Variants in KCNQ3 observed in about 807,000 individuals in gnomAD.
The protein encoded by KCNQ3 is potassium voltage-gated channel subfamily Q member 3, also known as potassium voltage-gated channel subfamily KQT member 3.
A neutral mutation model predicts 92.5 loss-of-function variants in KCNQ3; 30 were observed. That is an observed-to-expected ratio of 0.32 (90% CI 0.24 to 0.44). The LOEUF (loss-of-function observed/expected upper bound fraction) is 0.44. KCNQ3 is among the 20% of genes least tolerant of loss of function. KCNQ3 has a pLI of 1.00. For missense variants in KCNQ3, 913 were observed against 1,140.3 expected (o/e 0.80, Z 2.87); for synonymous variants, 450 against 468.8 (o/e 0.96, Z 0.52).
intron 1 of KCNQ3, among the ~76,000 whole-genome samples, chr8:132,242,897 C>A (rs1815040991): frequency 1.3e-5 from 2 of 152,180 alleles, no homozygotes; most frequent in African/African-American, 4.8e-5. Flanking sequence ...GCACATAAAT[C>A]TCTGAGAGAA....
rs535644394 is a variant in KCNQ3 at position 132,427,739 on chromosome 8, G to A, written c.386+52408C>T. Among the ~76,000 whole-genome samples the A allele has an allele frequency of 1.1e-4, 16 of 152,276 alleles. 1 individual carries two copies. In the South Asian group the frequency reaches 2.9e-3, roughly 28 times the overall value. The stretch of plus-strand genomic sequence containing the variant: ...GGTGGAGCTCCCCAGCTCTGCCACA[G>A]GCAAGAGGAAGACCGGGGGTAAAGC... On this transcript the variant is annotated intron_variant, in intron 1 of 14. Transcript: ENST00000388996.
intron 13 of KCNQ3, among the ~76,000 whole-genome samples, chr8:132,133,174 TA>T (rs758091487): frequency 1.7e-4 from 26 of 152,234 alleles, no homozygotes; most frequent in Admixed American, 5.2e-4. Context: ...TCTGCATCCC[TA>T]AAAGAAGGTA....
chr8:132,324,107 C>T (rs1554644596), intron 1 of KCNQ3, among the ~76,000 whole-genome samples: 1 of 152,146 alleles, frequency 6.6e-6, no homozygotes, highest in Non-Finnish European at 1.5e-5. Flanking sequence ...CTGTAATTCC[C>T]TCTGGATAAT....
chr8:132,193,884 A>G (rs965682261), intron 1 of KCNQ3, among the ~76,000 whole-genome samples: 8 of 152,174 alleles, frequency 5.3e-5, no homozygotes. Flanking sequence ...GTGTGGTCAG[A>G]GCCAGAGGGA....
intron 1 of KCNQ3, among the ~76,000 whole-genome samples, chr8:132,477,066 C>A (rs1243535406): frequency 6.6e-6 from 1 of 152,096 alleles, no homozygotes; most frequent in Non-Finnish European, 1.5e-5. Flanking sequence ...GTAAGATGTG[C>A]CTGGCTTCCT....
At chr8:132,412,621 A>T (rs901678350) in intron 1 of KCNQ3, among the ~76,000 whole-genome samples, 8 of 152,292 alleles carry the variant, frequency 5.3e-5, no homozygotes, top group African/African-American at 1.9e-4. Flanking sequence ...AGCCTAAGCA[A>T]TGGTAGTGTC....
intron 12 of KCNQ3, among the ~76,000 whole-genome samples, chr8:132,136,144 A>G (rs1175512201): frequency 5.3e-5 from 8 of 149,602 alleles, no homozygotes; most frequent in African/African-American, 2.0e-4. Flanking sequence ...AAAAAAAAAA[A>G]AAGAAAAGAG....
At chr8:132,272,854 A>G (rs544818355) in intron 1 of KCNQ3, among the ~76,000 whole-genome samples, 2 of 152,252 alleles carry the variant, frequency 1.3e-5, no homozygotes, top group Admixed American at 1.3e-4. Context: ...GGCCCCTTCC[A>G]AATCTCATGT....
intron 1 of KCNQ3, among the ~76,000 whole-genome samples, chr8:132,200,482 G>A (rs1408568098): frequency 1.3e-5 from 2 of 152,078 alleles, no homozygotes; most frequent in African/African-American, 4.8e-5. Context: ...AATTCACTCA[G>A]CACCACCTGA....
intron 1 of KCNQ3, among the ~76,000 whole-genome samples, chr8:132,424,443 C>T (rs2130815375): frequency 6.6e-6 from 1 of 152,292 alleles, no homozygotes; most frequent in East Asian, 1.9e-4. Context: ...GATGAGGAAA[C>T]TGAGGCCCAG....
At position 132,127,218 on chromosome 8, in the gene KCNQ3, G is replaced by A. The variant is rs936888703; in HGVS notation, c.*2044C>T. ...GCCAGCATGTCAAATGGAAGCCCGTGGGGCTTCATGTCTGATGCATTGAGC... is the reference window on the plus strand; with the variant it reads ...GCCAGCATGTCAAATGGAAGCCCGTAGGGCTTCATGTCTGATGCATTGAGC... On this transcript the variant is annotated 3_prime_UTR_variant, in exon 15 of 15. Coordinates refer to ENST00000388996, the MANE Select transcript of KCNQ3 (RefSeq NM_004519.4). The A allele has an allele frequency of 3.3e-5, 5 of 152,178 alleles. No homozygotes were observed. Among genetic ancestry groups the A allele is most frequent in the Non-Finnish European group, 7.3e-5 (5 of 68,046 alleles). The allele number at this position is 152,178 out of a possible 1,614,324, so 9.4% of individuals were successfully genotyped here. A position where few individuals can be genotyped will look rare whatever the true frequency, so the allele number is the denominator to read the frequency against.
At chr8:132,393,660 C>T (rs925652710) in intron 1 of KCNQ3, among the ~76,000 whole-genome samples, 1 of 152,144 alleles carries the variant, frequency 6.6e-6, no homozygotes, top group East Asian at 1.9e-4. Flanking sequence ...TCAGGCACTC[C>T]GTCAAGTGAT....
chr8:132,189,451 T>G (rs1286710299), intron 1 of KCNQ3, among the ~76,000 whole-genome samples: 2 of 152,214 alleles, frequency 1.3e-5, no homozygotes, highest in African/African-American at 4.8e-5. Context: ...TGCCTTTGCC[T>G]GGAGAATACT....
At chr8:132,131,575 A>G (rs1244453170) in intron 14 of KCNQ3, among the ~76,000 whole-genome samples, 1 of 152,174 alleles carries the variant, frequency 6.6e-6, no homozygotes, top group East Asian at 1.9e-4. Flanking sequence ...GCTATTATCA[A>G]GTGTCCACTG....
intron 1 of KCNQ3, among the ~76,000 whole-genome samples, chr8:132,441,604 A>AACAAAT (rs1554657840): frequency 1.8e-4 from 26 of 146,750 alleles, no homozygotes; most frequent in Middle Eastern, 3.5e-3. Flanking sequence ...CAAACAAACA[A>AACAAAT]ATATATATAT....
chr8:132,299,739 G>A (rs1817155524), intron 1 of KCNQ3, among the ~76,000 whole-genome samples: 1 of 152,056 alleles, frequency 6.6e-6, no homozygotes, highest in Admixed American at 6.6e-5. Context: ...GTCTGCTTCA[G>A]CCTGTAGATC....
chr8:132,330,611 C>A (rs1440454237), intron 1 of KCNQ3, among the ~76,000 whole-genome samples: 1 of 152,172 alleles, frequency 6.6e-6, no homozygotes, highest in African/African-American at 2.4e-5. Context: ...CCGTGTCCTC[C>A]AAATGCAAGG....
At chr8:132,294,991 G>A (rs7842551) in intron 1 of KCNQ3, among the ~76,000 whole-genome samples, 3,911 of 152,140 alleles carry the variant, frequency 0.026, 187 homozygotes, top group African/African-American at 0.089. Context: ...ACAGGCAAAG[G>A]TTTCATGACG....
chr8:132,358,480 G>A (rs79075547), intron 1 of KCNQ3, among the ~76,000 whole-genome samples: 3,737 of 152,260 alleles, frequency 0.025, 63 homozygotes, highest in Non-Finnish European at 0.041. Context: ...ATTGGGTAAT[G>A]TTAGCTGAGA....
Sources: gnomAD v4.1 joint callset for allele counts (sites outside exome capture counted in the v4.1 genomes callset) on GRCh38, gnomAD v4.1.1 for gene constraint, MANE v1.5 for transcripts, NCBI Gene and HGNC (gene_info 2026-07-23, HGNC 2026-07-21) for gene names.